The following ADAM23 variants were observed in gnomAD, a reference collection of about 807,000 sequenced individuals.
ADAM23 encodes disintegrin and metalloproteinase domain-containing protein 23.
ADAM23 carries 33 observed loss-of-function variants against 120.1 expected under a neutral mutation model. The ratio of observed to expected loss-of-function variants is 0.27; its 90% confidence interval spans 0.21 to 0.37. The LOEUF is 0.37. Ranked by LOEUF, ADAM23 falls within the 10% of genes least tolerant of loss-of-function variation. The pLI is 1.00. For missense variants in ADAM23, 862 were observed against 1,058.2 expected, an observed-to-expected ratio of 0.81 and a Z score of 2.57; for synonymous variants, 367 against 375.2, an observed-to-expected ratio of 0.98 and a Z score of 0.25.
chr2:206,540,877 G>C (rs1282606083), intron 4 of ADAM23, among the ~76,000 whole-genome samples: 1 of 149,904 alleles, frequency 6.7e-6, no homozygotes, highest in Non-Finnish European at 1.5e-5. Flanking sequence ...AAAATGGATA[G>C]GAGAGAATTC....
At chr2:206,539,421 A>T (rs944797866) in intron 4 of ADAM23, among the ~76,000 whole-genome samples, 1 of 152,234 alleles carries the variant, frequency 6.6e-6, no homozygotes, top group African/African-American at 2.4e-5. Flanking sequence ...GGTCAGGGCC[A>T]GCCCTCTTTA....
intron 3 of ADAM23, among the ~76,000 whole-genome samples, chr2:206,504,274 TCAGCAA>T (rs1696450469): frequency 1.3e-5 from 2 of 152,170 alleles, no homozygotes; most frequent in African/African-American, 4.8e-5. Context: ...GCCTGTTTAA[TCAGCAA>T]TATGATAGGC....
intron 22 of ADAM23, among the ~76,000 whole-genome samples, chr2:206,593,010 A>G (rs1297559714): frequency 6.6e-6 from 1 of 152,180 alleles, no homozygotes. Flanking sequence ...TATGGTGTTC[A>G]TTCTAACCCA....
At chr2:206,548,497 C>A in intron 8 of ADAM23, 143 bp downstream of exon 8, 2 of 735,012 alleles carry the variant, frequency 2.7e-6, no homozygotes, top group Admixed American at 5.7e-5. Flanking sequence ...ACAAAAAACC[C>A]TATGATTTGA....
chr2:206,533,662 A>G (rs996194922), intron 4 of ADAM23, among the ~76,000 whole-genome samples: 1 of 152,196 alleles, frequency 6.6e-6, no homozygotes, highest in Admixed American at 6.5e-5. Flanking sequence ...TTGCAACCAT[A>G]CTTTGCAAAG....
At chr2:206,538,156 A>G (rs201095603) in intron 4 of ADAM23, among the ~76,000 whole-genome samples, 1 of 152,210 alleles carries the variant, frequency 6.6e-6, no homozygotes, top group South Asian at 2.1e-4. Flanking sequence ...CTAATACTTT[A>G]TTAAACTACT....
At chr2:206,614,548 G>A (rs1698898157) in intron 25 of ADAM23, among the ~76,000 whole-genome samples, 1 of 151,970 alleles carries the variant, frequency 6.6e-6, no homozygotes, top group Non-Finnish European at 1.5e-5. Context: ...CCAGCTACTC[G>A]GGAGGCAGAG....
chr2:206,603,319 A>T (rs1423375724), intron 24 of ADAM23, among the ~76,000 whole-genome samples: 2 of 152,360 alleles, frequency 1.3e-5, no homozygotes, highest in Admixed American at 6.5e-5. Flanking sequence ...AAGGTGATGC[A>T]CAAGTTCCTA....
rs576364576 is a variant in ADAM23, at chr2:206,534,833, C to A, written c.573+3885C>A. ...TATCATTATTAGGTGGGGAAGGCTTCTTTTCCTAGGTCTATTTCCTCACCC... is the reference window on the plus strand; with the variant it reads ...TATCATTATTAGGTGGGGAAGGCTTATTTTCCTAGGTCTATTTCCTCACCC... On this transcript the variant is annotated intron_variant, in intron 4 of 25. Coordinates refer to ENST00000264377, the MANE Select transcript of ADAM23 (RefSeq NM_003812.4). 3.3e-5 allele frequency among the ~76,000 whole-genome samples: 5 copies of A among 152,240 alleles called. No homozygotes were observed. The East Asian group carries it at 5.8e-4, about 18-fold the overall frequency.
At chr2:206,578,315 A>G (rs1483551643) in intron 18 of ADAM23, among the ~76,000 whole-genome samples, 1 of 152,082 alleles carries the variant, frequency 6.6e-6, no homozygotes, top group Non-Finnish European at 1.5e-5. Flanking sequence ...AGCAGTATAC[A>G]CTGCACCATA....
At chr2:206,557,081 G>T (rs1697659603) in intron 9 of ADAM23, among the ~76,000 whole-genome samples, 1 of 151,724 alleles carries the variant, frequency 6.6e-6, no homozygotes, top group African/African-American at 2.4e-5. Flanking sequence ...AACATCGTAG[G>T]TTTTTTTGTT....
chr2:206,585,237 A>G (rs34032952), intron 18 of ADAM23, among the ~76,000 whole-genome samples: 14,151 of 152,212 alleles, frequency 0.093, 702 homozygotes, highest in Middle Eastern at 0.12. Flanking sequence ...GTCCGCCATG[A>G]TCCCGATCAC....
chr2:206,469,768 G>A (rs1695616529), intron 2 of ADAM23, among the ~76,000 whole-genome samples: 1 of 152,098 alleles, frequency 6.6e-6, no homozygotes, highest in African/African-American at 2.4e-5. Flanking sequence ...ACCCACACTG[G>A]CCTTTTTATT....
At chr2:206,486,221 A>G (rs1241524181) in intron 3 of ADAM23, among the ~76,000 whole-genome samples, 1 of 152,082 alleles carries the variant, frequency 6.6e-6, no homozygotes, top group African/African-American at 2.4e-5. Context: ...TCCTTTAATT[A>G]CACTCCTCTC....
intron 2 of ADAM23, among the ~76,000 whole-genome samples, chr2:206,461,856 G>A (rs926619105): frequency 1.3e-5 from 2 of 152,170 alleles, no homozygotes; most frequent in East Asian, 1.9e-4. Context: ...CATGTTAGAT[G>A]GAGAGTAGGA....
chr2:206,474,064 T>C (rs1006209790), intron 2 of ADAM23, among the ~76,000 whole-genome samples: 9 of 151,118 alleles, frequency 6.0e-5, no homozygotes, highest in African/African-American at 2.2e-4. Flanking sequence ...AACTCTCCTA[T>C]ACTAATCTGC....
At chr2:206,485,662 G>A (rs888652308) in intron 3 of ADAM23, among the ~76,000 whole-genome samples, 3 of 152,232 alleles carry the variant, frequency 2.0e-5, no homozygotes, top group Admixed American at 6.5e-5. Context: ...TGTTGAGTGA[G>A]CATCTGCTAT....
chr2:206,463,184 C>T (rs536667448), intron 2 of ADAM23, among the ~76,000 whole-genome samples: 1 of 152,136 alleles, frequency 6.6e-6, no homozygotes, highest in Non-Finnish European at 1.5e-5. Context: ...TGGCAGAAGA[C>T]ACTTTGTAGA....
intron 3 of ADAM23, among the ~76,000 whole-genome samples, chr2:206,524,101 C>T (rs1053405203): frequency 4.6e-5 from 7 of 152,116 alleles, no homozygotes; most frequent in African/African-American, 1.4e-4. Context: ...TACTTTCAAG[C>T]AGCAGATAAT....
Sources: allele counts gnomAD v4.1 joint callset (sites outside exome capture counted in the v4.1 genomes callset), GRCh38; gene constraint gnomAD v4.1.1; transcripts MANE v1.5; gene names NCBI Gene and HGNC (gene_info 2026-07-23, HGNC 2026-07-21).